The following ADCY2 variants were observed in gnomAD, a reference collection of about 807,000 sequenced individuals.
The protein encoded by ADCY2 is adenylate cyclase type 2.
Under a neutral mutation model 125.2 loss-of-function variants are expected in ADCY2, and 31 were observed. The ratio of observed to expected loss-of-function variants is 0.25; its 90% CI spans 0.19 to 0.33. ADCY2 has a LOEUF of 0.33. Among genes scored for constraint, ADCY2 ranks in the 10% least tolerant of loss-of-function variants. ADCY2 has a pLI of 1.00. For missense variants in ADCY2, 904 were observed against 1,418.2 expected (o/e 0.64, Z 5.82); for synonymous variants, 512 against 548.4 (o/e 0.93, Z 0.93).
At chr5:7,534,107 C>T (rs868112079) in intron 3 of ADCY2, among the ~76,000 whole-genome samples, 1 of 152,230 alleles carries the variant, frequency 6.6e-6, no homozygotes, top group South Asian at 2.1e-4. Context: ...ATTGTCAACT[C>T]ATTGACTTGG....
intron 3 of ADCY2, among the ~76,000 whole-genome samples, chr5:7,621,525 G>T (rs1017187784): frequency 1.3e-5 from 2 of 152,184 alleles, no homozygotes; most frequent in Non-Finnish European, 2.9e-5. Context: ...AATCTGGAGA[G>T]CCTCTCCTGG....
intron 2 of ADCY2, among the ~76,000 whole-genome samples, chr5:7,516,131 C>T (rs906766192): frequency 1.3e-5 from 2 of 152,096 alleles, no homozygotes; most frequent in Admixed American, 6.5e-5. Flanking sequence ...GGGCTCCCAT[C>T]CTGCCAGGAG....
At chr5:7,480,166 G>A (rs1159953295) in intron 2 of ADCY2, among the ~76,000 whole-genome samples, 1 of 152,154 alleles carries the variant, frequency 6.6e-6, no homozygotes, top group Admixed American at 6.5e-5. Context: ...CTGTTAGTGG[G>A]TGTGTAAATG....
Position 7,743,707 on chromosome 5 carries a change from C to T in ADCY2, c.1911C>T (p.Leu637=), listed in dbSNP as rs1742514047. 1 of 1,614,126 alleles carries T rather than the reference C, an allele frequency of 6.2e-7. No individual in the cohort carries two copies. Among genetic ancestry groups the T allele is most frequent in the Non-Finnish European group, 8.5e-7 (1 of 1,180,014 alleles). The change falls in exon 15 of 25, where the codon CTC becomes CTT. Residue 637 remains leucine, a synonymous_variant. Transcript: ENST00000338316. ...VLGISFGAAF[L]LLAFILFVCF... ...GCATCTCCTTTGGGGCTGCGTTTCT[C>T]TTGCTGGCCTTCATCCTCTTCGTCT...
At chr5:7,732,422 T>G (rs1414054799) in intron 14 of ADCY2, among the ~76,000 whole-genome samples, 1 of 152,226 alleles carries the variant, frequency 6.6e-6, no homozygotes, top group African/African-American at 2.4e-5. Flanking sequence ...TCACCTTCCT[T>G]GGGTAGACAT....
chr5:7,593,492 G>A (rs771263887), intron 3 of ADCY2, among the ~76,000 whole-genome samples: 18 of 151,984 alleles, frequency 1.2e-4, no homozygotes, highest in Admixed American at 2.6e-4. Flanking sequence ...CTCTCCTCCT[G>A]TAATGTCACA....
In ADCY2 at chr5:7,522,946, C is replaced by G. The variant is rs75467471; in HGVS notation, c.570+2047C>G. Among the ~76,000 whole-genome samples, 1,296 of 151,254 alleles carry G rather than the reference C, an allele frequency of 8.6e-3. 19 individuals carry two copies. The highest frequency in any genetic ancestry group is 0.03 in the African/African-American group (1,245 of 41,192). ...GTCTCAAAAAAAAAACAAAAAAAAA[C>G]AAAGAAATGAGAAAACAATTTGCTC... On this transcript the variant is annotated intron_variant, in intron 3 of 24. Coordinates refer to ENST00000338316, the MANE Select transcript of ADCY2 (RefSeq NM_020546.3).
Position 7,804,803 on chromosome 5 carries a change from C to G in ADCY2, c.2883+111C>G, listed in dbSNP as rs767678567. The G allele has an allele frequency of 1.1e-4, 87 of 760,696 alleles. 1 individual carries two copies. The Middle Eastern group carries it at 2.1e-3, about 18-fold the overall frequency. 47.1% of individuals were successfully genotyped at this position (760,696 alleles called of 1,614,324 possible). A position where few individuals can be genotyped will look rare whatever the true frequency, so the allele number is the denominator to read the frequency against. On this transcript the variant is annotated intron_variant, in intron 22 of 24. Transcript: ENST00000338316. The stretch of plus-strand genomic sequence containing the variant: ...CCCAAGAACTGTATATTTTGTACAA[C>G]CTAAAGCTCAGGGTCAAGGTCCTAT...
chr5:7,722,604 CA>C (rs1328054203), intron 12 of ADCY2, among the ~76,000 whole-genome samples: 1 of 151,504 alleles, frequency 6.6e-6, no homozygotes, highest in Non-Finnish European at 1.5e-5. Flanking sequence ...TAAGAAATAC[CA>C]AAAAAGTTTG....
intron 17 of ADCY2, 49 bp downstream of exon 17, chr5:7,766,855 G>A (rs552090089): frequency 5.7e-6 from 9 of 1,590,596 alleles, no homozygotes; most frequent in Middle Eastern, 1.7e-4. Context: ...CTGTATGCTC[G>A]TAGTCTGTAT....
chr5:7,660,285 A>AAGGAAGGC (rs1739482264), intron 4 of ADCY2, among the ~76,000 whole-genome samples: 1 of 150,936 alleles, frequency 6.6e-6, no homozygotes, highest in Non-Finnish European at 1.5e-5. Flanking sequence ...GGAAGGAAGG[A>AAGGAAGGC]AGGAAGGAAG....
chr5:7,777,514 C>T (rs1743770237), intron 18 of ADCY2, among the ~76,000 whole-genome samples: 1 of 152,236 alleles, frequency 6.6e-6, no homozygotes, highest in Non-Finnish European at 1.5e-5. Flanking sequence ...CTCCAGATCA[C>T]TGAGGATGTG....
chr5:7,618,202 G>T (rs771606596), intron 3 of ADCY2, among the ~76,000 whole-genome samples: 1 of 152,154 alleles, frequency 6.6e-6, no homozygotes, highest in South Asian at 2.1e-4. Context: ...ATACCTCTGT[G>T]CAATCTTGTC....
At chr5:7,636,055 C>T (rs956470906) in intron 4 of ADCY2, among the ~76,000 whole-genome samples, 3 of 152,092 alleles carry the variant, frequency 2.0e-5, no homozygotes, top group African/African-American at 7.2e-5. Context: ...TTGTGGCTCT[C>T]ATCTGACCTG....
chr5:7,698,530 TCCCTC>T (rs1359137986), intron 7 of ADCY2, among the ~76,000 whole-genome samples, 156 bp downstream of exon 7: 1 of 152,180 alleles, frequency 6.6e-6, no homozygotes, highest in African/African-American at 2.4e-5. Context: ...ACTAATGCTA[TCCCTC>T]CCCTCACCCC....
intron 7 of ADCY2, 144 bp from the exon 8 acceptor site, chr5:7,706,600 G>A: frequency 3.5e-6 from 3 of 865,022 alleles, no homozygotes; most frequent in Non-Finnish European, 5.5e-6. Flanking sequence ...TAGCTCAGAG[G>A]AGTGATCTCC....
chr5:7,430,509 T>A (rs1579435946), intron 2 of ADCY2, among the ~76,000 whole-genome samples: 1 of 141,726 alleles, frequency 7.1e-6, no homozygotes, highest in East Asian at 2.0e-4. Flanking sequence ...CATATATATG[T>A]TCATGTGTGT....
At chr5:7,704,059 G>C (rs1741180382) in intron 7 of ADCY2, among the ~76,000 whole-genome samples, 1 of 151,854 alleles carries the variant, frequency 6.6e-6, no homozygotes, top group Non-Finnish European at 1.5e-5. Flanking sequence ...CAGCAACAGA[G>C]AGGACATCTC....
intron 2 of ADCY2, among the ~76,000 whole-genome samples, chr5:7,436,192 T>G (rs1450069294): frequency 6.6e-6 from 1 of 152,206 alleles, no homozygotes. Flanking sequence ...GAAAATATTG[T>G]GACCAGGGGT....
Sources: gnomAD v4.1 joint callset for allele counts (sites outside exome capture counted in the v4.1 genomes callset) on GRCh38, gnomAD v4.1.1 for gene constraint, MANE v1.5 for transcripts, NCBI Gene and HGNC (gene_info 2026-07-23, HGNC 2026-07-21) for gene names.